Variants in RPTOR observed in about 807,000 individuals in gnomAD.
RPTOR encodes the protein regulatory associated protein of MTOR complex 1, also known as regulatory-associated protein of mTOR.
A neutral mutation model predicts 169.9 loss-of-function variants in RPTOR; 21 were observed. The ratio of observed to expected loss-of-function variants is 0.12; its 90% CI spans 0.09 to 0.18. The LOEUF is 0.18. Ranked by LOEUF, RPTOR falls within the 10% of genes least tolerant of loss-of-function variation. The pLI, the probability that RPTOR is intolerant of heterozygous loss-of-function variation, is 1.00. For missense variants in RPTOR, 1,133 were observed against 1,855.9 expected (o/e 0.61, Z 7.16); for synonymous variants, 732 against 753.2 (o/e 0.97, Z 0.46).
At chr17:80,919,712 CAAGA>C (rs2068721930) in intron 21 of RPTOR, among the ~76,000 whole-genome samples, 1 of 152,186 alleles carries the variant, frequency 6.6e-6, no homozygotes, top group Non-Finnish European at 1.5e-5. Flanking sequence ...CGCACTGGCC[CAAGA>C]GAGTGTCTGT....
chr17:80,926,513 C>T (rs192692511), intron 24 of RPTOR, among the ~76,000 whole-genome samples: 16 of 152,286 alleles, frequency 1.1e-4, no homozygotes, highest in African/African-American at 3.1e-4. Context: ...AGATGACTTC[C>T]GTGTTGTTTC....
intron 7 of RPTOR, among the ~76,000 whole-genome samples, chr17:80,791,911 C>A (rs1338947622): frequency 2.6e-5 from 4 of 152,124 alleles, no homozygotes; most frequent in Admixed American, 6.5e-5. Context: ...ATCCCCTCCC[C>A]CCCTGTCGCC....
intron 5 of RPTOR, among the ~76,000 whole-genome samples, chr17:80,742,526 A>G (rs2066491768): frequency 6.6e-6 from 1 of 152,060 alleles, no homozygotes; most frequent in South Asian, 2.1e-4. Flanking sequence ...CAACACATGC[A>G]CACATGTACA....
In RPTOR at chr17:80,964,407, T is replaced by C; in HGVS notation, c.*77T>C. ...CTGTCACTCGCCGGGGCACGGGGCG[T>C]CGGCTGCTGCGGCCCCGCAGTGTGA... On this transcript the variant is annotated 3_prime_UTR_variant, in exon 34 of 34. Coordinates refer to ENST00000306801, the MANE Select transcript of RPTOR (RefSeq NM_020761.3). 7.0e-7 allele frequency: 1 copy of C among 1,435,682 alleles called. No homozygotes were observed. Among genetic ancestry groups the C allele is most frequent in the Non-Finnish European group, 9.7e-7 (1 of 1,032,744 alleles). 88.9% of individuals were successfully genotyped at this position (1,435,682 alleles called of 1,614,324 possible). A position where few individuals can be genotyped will look rare whatever the true frequency, so the allele number is the denominator to read the frequency against.
intron 6 of RPTOR, among the ~76,000 whole-genome samples, chr17:80,755,108 T>C (rs1192121030): frequency 6.7e-6 from 1 of 149,116 alleles, no homozygotes; most frequent in South Asian, 2.1e-4. Flanking sequence ...GGAGGAAAAC[T>C]TGGCCTTCCT....
At chr17:80,810,380 C>T (rs540375854) in intron 7 of RPTOR, among the ~76,000 whole-genome samples, 1 of 151,168 alleles carries the variant, frequency 6.6e-6, no homozygotes, top group Non-Finnish European at 1.5e-5. Flanking sequence ...CAAATTGTTC[C>T]AGCACTGTTT....
intron 20 of RPTOR, among the ~76,000 whole-genome samples, chr17:80,902,857 G>A (rs151075910): frequency 6.6e-5 from 10 of 152,356 alleles, no homozygotes; most frequent in East Asian, 1.9e-4. Context: ...CTTCCCTCCC[G>A]AAACCCTGCG....
In RPTOR at chr17:80,695,894, T is replaced by C. The variant is rs2066032239; in HGVS notation, c.349-11947T>C. Among the ~76,000 whole-genome samples, 1 of 152,222 alleles carries C rather than the reference T, an allele frequency of 6.6e-6. No homozygotes were observed. Among genetic ancestry groups the C allele is most frequent in the Non-Finnish European group, 1.5e-5 (1 of 68,040 alleles). ...CCTGCATGGCCTCGTGGCTGCCTTT[T>C]CTACCTGCGTGAGCTGGCTTTGATC... On this transcript the variant is annotated intron_variant, in intron 3 of 33. Coordinates refer to ENST00000306801, the MANE Select transcript of RPTOR (RefSeq NM_020761.3). The surrounding 1 kb of genome is among the most constrained non-coding windows in gnomAD (Gnocchi z 4.9).
At chr17:80,876,614 A>ATG (rs2068117814) in intron 13 of RPTOR, among the ~76,000 whole-genome samples, 3 of 74,108 alleles carry the variant, frequency 4.0e-5, no homozygotes, top group African/African-American at 5.6e-5. Flanking sequence ...TCCGCCCAGG[A>ATG]TGTGTGTGTC....
Position 80,707,075 on chromosome 17 carries a change from A to C in RPTOR, c.349-766A>C, listed in dbSNP as rs1178702978. On this transcript the variant is annotated intron_variant, in intron 3 of 33. Coordinates refer to ENST00000306801, the MANE Select transcript of RPTOR (RefSeq NM_020761.3). This position sits in a 1 kb window ranked among gnomAD's most constrained non-coding sequence, Gnocchi z 5.0. ...TCTCTGTCAGTTTTAGATTCTGCTC[A>C]TTCAGGGTTAAGGGCCCAGGCAGGA... Among the ~76,000 whole-genome samples, 1 of 152,132 alleles carries C rather than the reference A, an allele frequency of 6.6e-6. No individual in the cohort carries two copies. The highest frequency in any genetic ancestry group is 2.4e-5 in the African/African-American group (1 of 41,410).
chr17:80,882,155 T>G (rs184612647), intron 14 of RPTOR, among the ~76,000 whole-genome samples: 1 of 152,086 alleles, frequency 6.6e-6, no homozygotes, highest in Non-Finnish European at 1.5e-5. Context: ...CGAGAAGATA[T>G]GAAAGCCGGG....
At chr17:80,858,427 G>A (rs747609058) in intron 13 of RPTOR, among the ~76,000 whole-genome samples, 1 of 152,262 alleles carries the variant, frequency 6.6e-6, no homozygotes. Context: ...CCTCTCTGAC[G>A]GGCATCAGCC....
chr17:80,665,818 C>T (rs1428611773), intron 3 of RPTOR, among the ~76,000 whole-genome samples: 4 of 152,170 alleles, frequency 2.6e-5, no homozygotes, highest in Non-Finnish European at 5.9e-5. Flanking sequence ...GCTGGGATTA[C>T]AGGCGTGAGC....
Position 80,823,356 on chromosome 17 carries a change from AAG to A in RPTOR, c.1136+134_1136+135del. On this transcript the variant is annotated intron_variant, in intron 9 of 33. Transcript: ENST00000306801. This position sits in a 1 kb window ranked among gnomAD's most constrained non-coding sequence, Gnocchi z 4.5. Reference sequence around the variant, plus strand: ...GGACCCCGTGTAGCATTAACAAGTGAAGCTAAATGCAGGGCTCCCAGAGATCT... The same window carrying A: ...GGACCCCGTGTAGCATTAACAAGTGACTAAATGCAGGGCTCCCAGAGATCT... 1.0e-6 allele frequency: 1 copy of A among 954,196 alleles called. No homozygotes were observed. Among genetic ancestry groups the A allele is most frequent in the Non-Finnish European group, 1.4e-6 (1 of 717,488 alleles). The allele number at this position is 954,196 out of a possible 1,614,324, so 59.1% of individuals were successfully genotyped here. A position where few individuals can be genotyped will look rare whatever the true frequency, so the allele number is the denominator to read the frequency against.
chr17:80,785,709 G>C (rs72852768), intron 6 of RPTOR, among the ~76,000 whole-genome samples: 5,181 of 152,180 alleles, frequency 0.034, 121 homozygotes, highest in South Asian at 0.063. Context: ...GACTGAGTTG[G>C]GTATGACAAG....
rs372865766 is a variant in RPTOR at position 80,845,091 on chromosome 17, G to T, written c.1213-1382G>T. Among the ~76,000 whole-genome samples, 1 of 151,734 alleles carries T rather than the reference G, an allele frequency of 6.6e-6. No individual in the cohort carries two copies. Among genetic ancestry groups the T allele is most frequent in the Non-Finnish European group, 1.5e-5 (1 of 67,956 alleles). On this transcript the variant is annotated intron_variant, in intron 10 of 33. Transcript: ENST00000306801. This position sits in a 1 kb window ranked among gnomAD's most constrained non-coding sequence, Gnocchi z 5.4. ...CAGGCCGGACTGCTCCTGCCTGGCC[G>T]CTCAGTTCCGAGACCTTCCAACGGC...
chr17:80,645,324 A>G (rs979473364), intron 3 of RPTOR, among the ~76,000 whole-genome samples: 1 of 152,154 alleles, frequency 6.6e-6, no homozygotes, highest in East Asian at 1.9e-4. Context: ...ACTTCTGGCC[A>G]TCTCCTGGGT....
intron 20 of RPTOR, among the ~76,000 whole-genome samples, chr17:80,902,541 C>T (rs779202878): frequency 2.6e-5 from 4 of 152,234 alleles, no homozygotes; most frequent in East Asian, 3.8e-4. Flanking sequence ...TTCTTGCTAA[C>T]GCATGGATGT....
At chr17:80,862,119 G>A (rs181093536) in intron 13 of RPTOR, among the ~76,000 whole-genome samples, 2 of 152,256 alleles carry the variant, frequency 1.3e-5, no homozygotes, top group East Asian at 3.9e-4. Context: ...GGGGTCATCT[G>A]CTCAGTACTG....
Sources: allele counts gnomAD v4.1 joint callset (sites outside exome capture counted in the v4.1 genomes callset), GRCh38; gene constraint gnomAD v4.1.1; non-coding constraint Gnocchi (gnomAD v3.1); transcripts MANE v1.5; gene names NCBI Gene and HGNC (gene_info 2026-07-23, HGNC 2026-07-21).